The following CPVL variants were observed in gnomAD, a reference collection of about 807,000 sequenced individuals.
CPVL encodes carboxypeptidase vitellogenic like, also known as probable serine carboxypeptidase CPVL.
A neutral mutation model predicts 63.7 loss-of-function variants in CPVL; 51 were observed. The observed-to-expected ratio is 0.80, with a 90% CI of 0.64 to 1.01. CPVL has a LOEUF of 1.01. Ranked by LOEUF, CPVL falls within the 50% of genes least tolerant of loss-of-function variation. The pLI is 0.00. For missense variants in CPVL, 530 were observed against 573.1 expected (o/e 0.92, Z 0.77); for synonymous variants, 195 against 206.0 (o/e 0.95, Z 0.46).
At chr7:29,145,292 A>G (rs1304159970) in intron 1 of CPVL, among the ~76,000 whole-genome samples, 1 of 152,050 alleles carries the variant, frequency 6.6e-6, no homozygotes, top group Non-Finnish European at 1.5e-5. Flanking sequence ...TGAGTTGTAC[A>G]TTTAGCCGGG....
chr7:29,031,847 A>G (rs1788049698), intron 11 of CPVL, among the ~76,000 whole-genome samples: 2 of 152,182 alleles, frequency 1.3e-5, no homozygotes, highest in Non-Finnish European at 2.9e-5. Flanking sequence ...TTATCACATA[A>G]TGTTAAGTAT....
chr7:29,143,926 C>A (rs1792171931), intron 1 of CPVL, among the ~76,000 whole-genome samples: 1 of 152,182 alleles, frequency 6.6e-6, no homozygotes, highest in African/African-American at 2.4e-5. Flanking sequence ...AATCTCAATA[C>A]CCTGGTTTCA....
At chr7:29,069,414 C>T (rs1298959229) in intron 9 of CPVL, among the ~76,000 whole-genome samples, 1 of 141,564 alleles carries the variant, frequency 7.1e-6, no homozygotes, top group African/African-American at 2.7e-5. Context: ...GCACTCCAGC[C>T]TGGGCAAGAG....
chr7:29,050,434 T>A (rs1390251130), intron 11 of CPVL, among the ~76,000 whole-genome samples: 2 of 151,724 alleles, frequency 1.3e-5, no homozygotes, highest in Non-Finnish European at 2.9e-5. Context: ...TACTTAGGAA[T>A]ACACCTAACC....
chr7:29,119,844 T>G (rs989743941), intron 2 of CPVL, among the ~76,000 whole-genome samples: 2 of 152,186 alleles, frequency 1.3e-5, no homozygotes, highest in African/African-American at 2.4e-5. Context: ...GCATGAACTC[T>G]GGCTAGTAGC....
chr7:29,145,731 T>C (rs1447851456), intron 1 of CPVL: 2 of 152,176 alleles, frequency 1.3e-5, no homozygotes, highest in Non-Finnish European at 2.9e-5. Flanking sequence ...ATCTTTCAGA[T>C]GGAAAGACTG....
intron 11 of CPVL, among the ~76,000 whole-genome samples, chr7:29,040,812 C>T (rs1380111743): frequency 3.9e-5 from 6 of 152,166 alleles, no homozygotes; most frequent in African/African-American, 1.4e-4. Flanking sequence ...ATTATTCCTG[C>T]TTTCTTGCAC....
In CPVL at chr7:29,082,160, G is replaced by A. The variant is rs564284607; in HGVS notation, c.609+4324C>T. Among the ~76,000 whole-genome samples, 17 of 150,906 alleles carry A rather than the reference G, an allele frequency of 1.1e-4. No homozygotes were observed. The East Asian group carries it at 2.1e-3, about 19-fold the overall frequency. Reference sequence around the variant, plus strand: ...GAAAAATCTAGAACAATTTTTTTTTGTGTGGTGGCAGCAGCGAGAGGGAAA... The same window carrying A: ...GAAAAATCTAGAACAATTTTTTTTTATGTGGTGGCAGCAGCGAGAGGGAAA... On this transcript the variant is annotated intron_variant, in intron 7 of 12. Transcript: ENST00000265394.
intron 9 of CPVL, among the ~76,000 whole-genome samples, chr7:29,070,815 T>C (rs1023467551): frequency 1.3e-5 from 2 of 152,214 alleles, no homozygotes; most frequent in African/African-American, 4.8e-5. Flanking sequence ...GAAAAATAAC[T>C]TTGTATTATC....
intron 1 of CPVL, among the ~76,000 whole-genome samples, chr7:29,190,354 G>T (rs564107421): frequency 4.6e-4 from 70 of 152,248 alleles, no homozygotes; most frequent in Admixed American, 1.2e-3. Flanking sequence ...TGAAAGTAAG[G>T]AATACAGTAT....
At chr7:29,071,117 A>C (rs906308335) in intron 9 of CPVL, among the ~76,000 whole-genome samples, 1 of 152,188 alleles carries the variant, frequency 6.6e-6, no homozygotes, top group Non-Finnish European at 1.5e-5. Flanking sequence ...AGCAAAAAAA[A>C]ACAAAAAAAA....
intron 6 of CPVL, among the ~76,000 whole-genome samples, chr7:29,090,459 T>C (rs1379801686): frequency 6.6e-6 from 1 of 152,314 alleles, no homozygotes; most frequent in East Asian, 1.9e-4. Flanking sequence ...TCATTTCCCA[T>C]TGCAAACCAA....
At chr7:29,175,977 G>A (rs879924364) in intron 5 of CPVL, among the ~76,000 whole-genome samples, 3 of 152,122 alleles carry the variant, frequency 2.0e-5, no homozygotes, top group Non-Finnish European at 2.9e-5. Flanking sequence ...ACAAGGTCAG[G>A]AGATCAAGAC....
At chr7:29,147,187 G>T, upstream of CPVL, 1 of 580,912 alleles carries the variant, frequency 1.7e-6, no homozygotes, top group Non-Finnish European at 2.9e-6. Context: ...GACAGTACGG[G>T]AGCAAGAACT....
chr7:29,096,326 A>C, intron 3 of CPVL, 109 bp from the exon 4 acceptor site: 1 of 838,614 alleles, frequency 1.2e-6, no homozygotes, highest in Non-Finnish European at 2.0e-6. Flanking sequence ...GCTGTGACTA[A>C]ATCCTACAAA....
intron 5 of CPVL, among the ~76,000 whole-genome samples, chr7:29,174,275 G>C (rs957910718): frequency 6.6e-6 from 1 of 152,188 alleles, no homozygotes; most frequent in African/African-American, 2.4e-5. Context: ...GCCTCTGGAG[G>C]GGGGCCAGCA....
chr7:29,195,373 C>T (rs144984623), upstream of CPVL: 310 of 226,702 alleles, frequency 1.4e-3, 1 homozygote, highest in African/African-American at 6.8e-3. Flanking sequence ...TGCCGTGCCG[C>T]GCCCGCTACC....
chr7:29,152,477 AC>A (rs1301751908), intron 5 of CPVL, among the ~76,000 whole-genome samples: 4 of 152,192 alleles, frequency 2.6e-5, no homozygotes, highest in Non-Finnish European at 4.4e-5. Flanking sequence ...ATAACAACTT[AC>A]CCACTCTATC....
intron 12 of CPVL, among the ~76,000 whole-genome samples, chr7:29,025,548 G>C (rs1787409432): frequency 6.6e-6 from 1 of 152,120 alleles, no homozygotes; most frequent in Non-Finnish European, 1.5e-5. Flanking sequence ...TCACATTTCA[G>C]CTTGAGACTT....
Sources: gnomAD v4.1 joint callset for allele counts (sites outside exome capture counted in the v4.1 genomes callset) on GRCh38, gnomAD v4.1.1 for gene constraint, MANE v1.5 for transcripts, NCBI Gene and HGNC (gene_info 2026-07-23, HGNC 2026-07-21) for gene names.